Variants in PPP4R3B observed in about 807,000 individuals in gnomAD.
PPP4R3B encodes protein phosphatase 4 regulatory subunit 3B.
A neutral mutation model predicts 95.4 loss-of-function variants in PPP4R3B; 52 were observed. The observed-to-expected ratio is 0.54, with a 90% CI of 0.44 to 0.69. The LOEUF (loss-of-function observed/expected upper bound fraction) is 0.69. PPP4R3B is among the 30% of genes least tolerant of loss of function. The probability of loss-of-function intolerance (pLI) is 0.00; values close to 1 mark genes in which losing one functional copy is unlikely to be tolerated. For synonymous variants in PPP4R3B, 407 were observed against 343.9 expected (o/e 1.18, Z -2.03); for missense variants, 1,003 against 1,005.9 (o/e 1.00, Z 0.04).
At chr2:55,589,558 G>T (rs12618859) in intron 4 of PPP4R3B, among the ~76,000 whole-genome samples, 1 of 151,948 alleles carries the variant, frequency 6.6e-6, no homozygotes, top group African/African-American at 2.4e-5. Context: ...AATGACTCTG[G>T]GGTATTAAAA....
intron 4 of PPP4R3B, among the ~76,000 whole-genome samples, chr2:55,593,797 T>C (rs938558312): frequency 3.9e-5 from 6 of 152,072 alleles, no homozygotes; most frequent in Non-Finnish European, 7.4e-5. Context: ...TTTTCACACA[T>C]AGTTGAAAAC....
chr2:55,597,650 A>AC (rs70954134), intron 4 of PPP4R3B, among the ~76,000 whole-genome samples: 2 of 151,026 alleles, frequency 1.3e-5, no homozygotes, highest in African/African-American at 2.4e-5. Flanking sequence ...AAACAAACAA[A>AC]ACTAGCTCGG....
At chr2:55,571,689 G>A (rs1017678890) in intron 12 of PPP4R3B, among the ~76,000 whole-genome samples, 3 of 152,264 alleles carry the variant, frequency 2.0e-5, no homozygotes, top group East Asian at 1.9e-4. Context: ...GCAGTGTTGC[G>A]ATTTCAGCTC....
chr2:55,583,370 A>G (rs59796313), intron 7 of PPP4R3B, among the ~76,000 whole-genome samples: 4,513 of 151,548 alleles, frequency 0.03, 232 homozygotes, highest in African/African-American at 0.1. Flanking sequence ...TTGTTATAAG[A>G]AAAAAAAACA....
At chr2:55,608,910 G>C (rs1693781130) in intron 2 of PPP4R3B, among the ~76,000 whole-genome samples, 1 of 152,114 alleles carries the variant, frequency 6.6e-6, no homozygotes. Context: ...GCACCTAGGA[G>C]GTCAAGGCTG....
intron 2 of PPP4R3B, among the ~76,000 whole-genome samples, chr2:55,609,310 A>G (rs988139421): frequency 6.6e-5 from 10 of 152,198 alleles, no homozygotes; most frequent in African/African-American, 2.2e-4. Flanking sequence ...CTGGCATGCT[A>G]GGCCTTTTAT....
chr2:55,612,263 C>A (rs1277789082), intron 2 of PPP4R3B, among the ~76,000 whole-genome samples: 2 of 152,078 alleles, frequency 1.3e-5, no homozygotes, highest in Non-Finnish European at 2.9e-5. Flanking sequence ...ATTTTAACTC[C>A]ACTACTGAAC....
At chr2:55,611,341 G>C (rs1205892632) in intron 2 of PPP4R3B, among the ~76,000 whole-genome samples, 2 of 152,088 alleles carry the variant, frequency 1.3e-5, no homozygotes, top group Non-Finnish European at 2.9e-5. Flanking sequence ...CTCTGCTTTT[G>C]ATTTAGTCAG....
At chr2:55,586,525 T>G (rs542978226) in intron 6 of PPP4R3B, 93 bp downstream of exon 6, 4 of 669,116 alleles carry the variant, frequency 6.0e-6, no homozygotes, top group Non-Finnish European at 1.0e-5. Flanking sequence ...AACTATAGAA[T>G]TGAATATACA....
At chr2:55,615,982 C>A (rs1694869769) in intron 1 of PPP4R3B, among the ~76,000 whole-genome samples, 1 of 139,764 alleles carries the variant, frequency 7.2e-6, no homozygotes, top group Non-Finnish European at 1.5e-5. Flanking sequence ...ATTTTCTCTC[C>A]AAATCTAGGC....
chr2:55,568,688 A>C (rs1308606000), intron 12 of PPP4R3B, among the ~76,000 whole-genome samples: 1 of 152,224 alleles, frequency 6.6e-6, no homozygotes, highest in Non-Finnish European at 1.5e-5. Context: ...AGATTTAAAA[A>C]TATGCAAAAT....
chr2:55,599,120 G>T, intron 3 of PPP4R3B, 81 bp from the exon 4 acceptor site: 2 of 1,273,526 alleles, frequency 1.6e-6, no homozygotes, highest in Non-Finnish European at 1.1e-6. Flanking sequence ...ATTTGGAAAT[G>T]CCTGGCTAGT....
intron 3 of PPP4R3B, 82 bp from the exon 4 acceptor site, chr2:55,599,121 C>G: frequency 1.6e-6 from 2 of 1,257,956 alleles, no homozygotes; most frequent in Non-Finnish European, 2.2e-6. Context: ...TTTGGAAATG[C>G]CTGGCTAGTC....
chr2:55,604,135 C>T, intron 2 of PPP4R3B, 59 bp from the exon 3 acceptor site: 1 of 1,341,830 alleles, frequency 7.5e-7, no homozygotes, highest in South Asian at 1.4e-5. Context: ...CTACAAAGTA[C>T]AAATAGAAAT....
chr2:55,606,525 A>T (rs561901637), intron 2 of PPP4R3B, among the ~76,000 whole-genome samples: 10 of 147,704 alleles, frequency 6.8e-5, no homozygotes, highest in East Asian at 2.0e-4. Flanking sequence ...ATATTTAATT[A>T]AAAAAAAAAT....
At chr2:55,577,975 C>G (rs1023443114) in intron 10 of PPP4R3B, among the ~76,000 whole-genome samples, 1 of 152,006 alleles carries the variant, frequency 6.6e-6, no homozygotes. Context: ...ACATTAGAGG[C>G]AGAATGGCTG....
rs772441496 is a variant in PPP4R3B, at chr2:55,615,526, A to G, written c.143-20T>C. ...GTGATCCTGAAAGATAAAAAATAAT[A>G]CATCATAAGTCTCAAATGATAAAAC... On this transcript the variant is annotated intron_variant, in intron 1 of 16. Transcript: ENST00000616407. 2.7e-6 allele frequency: 4 copies of G among 1,502,268 alleles called. No individual in the cohort carries two copies. The Admixed American group carries it at 7.8e-5, about 29-fold the overall frequency. 93.1% of individuals were successfully genotyped at this position (1,502,268 alleles called of 1,614,324 possible).
chr2:55,573,488 A>C (rs903364125), intron 12 of PPP4R3B, 131 bp downstream of exon 12: 7 of 834,454 alleles, frequency 8.4e-6, no homozygotes, highest in Non-Finnish European at 1.3e-5. Context: ...CCTTTAAATA[A>C]GAACAAAAGA....
intron 2 of PPP4R3B, chr2:55,614,204 A>G (rs1347273684): frequency 6.6e-6 from 1 of 152,212 alleles, no homozygotes; most frequent in Admixed American, 6.5e-5. Context: ...TATTCCTCCA[A>G]CTACGAAGTA....
Sources: gnomAD v4.1 joint callset for allele counts (sites outside exome capture counted in the v4.1 genomes callset) on GRCh38, gnomAD v4.1.1 for gene constraint, MANE v1.5 for transcripts, NCBI Gene and HGNC (gene_info 2026-07-23, HGNC 2026-07-21) for gene names.